The following VWF variants were observed in gnomAD, a reference collection of about 807,000 sequenced individuals.
VWF encodes the protein von Willebrand factor.
VWF carries 176 observed loss-of-function variants against 308.6 expected under a neutral mutation model. That is an observed-to-expected ratio of 0.57 (90% CI 0.50 to 0.65). The LOEUF (loss-of-function observed/expected upper bound fraction) is 0.65. Among genes scored for constraint, VWF ranks in the 30% least tolerant of loss-of-function variants. VWF has a pLI of 0.00. For synonymous variants in VWF, 1,385 were observed against 1,443.4 expected, an observed-to-expected ratio of 0.96 and a Z score of 0.92; for missense variants, 3,146 against 3,648.2, an observed-to-expected ratio of 0.86 and a Z score of 3.55.
At position 6,071,291 on chromosome 12, in the gene VWF, G is replaced by A. The variant is rs202185364; in HGVS notation, c.1156+6C>T. ...GGAGGAAGAGAATGAGCGGCAGGTC[G>A]CCTACCTGGACATTCTTCATTGCTG... On this transcript the variant is annotated splice_donor_region_variant and intron_variant, in intron 10 of 51. Transcript: ENST00000261405. 89 of 1,614,048 alleles carry A rather than the reference G, an allele frequency of 5.5e-5. No individual in the cohort carries two copies. The African/African-American group carries it at 6.8e-4, about 12-fold the overall frequency.
chr12:5,996,855 T>C (rs1404408154), intron 34 of VWF, among the ~76,000 whole-genome samples: 3 of 152,130 alleles, frequency 2.0e-5, no homozygotes, highest in African/African-American at 7.2e-5. Context: ...TAAAACATTA[T>C]TGGTGAATAC....
rs138574155 is a variant in VWF at position 6,092,157 on chromosome 12, C to T, written c.657+3303G>A. Among the ~76,000 whole-genome samples, 472 of 152,140 alleles carry T rather than the reference C, an allele frequency of 3.1e-3. 7 individuals are homozygous for T. Among genetic ancestry groups the T allele is most frequent in the African/African-American group, 0.011 (454 of 41,502 alleles). On this transcript the variant is annotated intron_variant, in intron 6 of 51. Transcript: ENST00000261405. ...AAAATAAAATCCTAAGCCCCCCTAC[C>T]GACTAAACGGACTCCCCCTTGGCCA...
chr12:6,057,480 TTTATTATTATTATTATTA>T (rs10667650), intron 14 of VWF, among the ~76,000 whole-genome samples: 16 of 129,562 alleles, frequency 1.2e-4, no homozygotes, highest in South Asian at 2.6e-4. Flanking sequence ...GCCCGGCAAA[TTTATTATTATTATTATTA>T]TTATTATTAT....
chr12:6,020,676 C>G lies in VWF; in HGVS notation c.3675-933G>C, dbSNP rs1169482202. Reference sequence around the variant, plus strand: ...CCAATATGGGCCAGGACCATCTCCTCTTTGGACTCTCAGCCTTGGAGGCAC... The same window carrying G: ...CCAATATGGGCCAGGACCATCTCCTGTTTGGACTCTCAGCCTTGGAGGCAC... On this transcript the variant is annotated intron_variant, in intron 27 of 51. Transcript: ENST00000261405. This position sits in a 1 kb window ranked among gnomAD's most constrained non-coding sequence, Gnocchi z 4.3. Among the ~76,000 whole-genome samples, 7 of 152,270 alleles carry G rather than the reference C, an allele frequency of 4.6e-5. No individual in the cohort carries two copies. The highest frequency in any genetic ancestry group is 1.7e-4 in the African/African-American group (7 of 41,478).
rs11064034 is a variant in VWF, at chr12:6,120,555, G to T, written c.220+619C>A. Reference sequence around the variant, plus strand: ...TGACCTCAGGTGATCCACCCACCTTGGCCTCCCAAAGTACTGGGATTACAG... The same window carrying T: ...TGACCTCAGGTGATCCACCCACCTTTGCCTCCCAAAGTACTGGGATTACAG... On this transcript the variant is annotated intron_variant, in intron 3 of 51. Transcript: ENST00000261405. Among the ~76,000 whole-genome samples the T allele has an allele frequency of 7.9e-5, 12 of 152,160 alleles. No individual in the cohort carries two copies. In the East Asian group the frequency reaches 2.3e-3, roughly 30 times the overall value.
intron 40 of VWF, among the ~76,000 whole-genome samples, chr12:5,983,760 T>C (rs1265207866): frequency 2.3e-5 from 3 of 130,680 alleles, no homozygotes; most frequent in East Asian, 2.8e-4. Flanking sequence ...GATAGATACA[T>C]ACATAGATAT....
At position 5,948,937 on chromosome 12, in the gene VWF, G is replaced by A. The variant is rs982643479; in HGVS notation, c.*78C>T. 261 of 1,488,880 alleles carry A rather than the reference G, an allele frequency of 1.8e-4. No individual in the cohort carries two copies. Among genetic ancestry groups the A allele is most frequent in the Non-Finnish European group, 2.3e-4 (246 of 1,087,594 alleles). The allele number at this position is 1,488,880 out of a possible 1,614,324, so 92.2% of individuals were successfully genotyped here. On this transcript the variant is annotated 3_prime_UTR_variant, in exon 52 of 52. Transcript: ENST00000261405. This position sits in a 1 kb window ranked among gnomAD's most constrained non-coding sequence, Gnocchi z 4.4. ...TCAGAAGGGCACAAGAGCAGAACAT[G>A]CAGAGGACTGGCAGCACTCTGGCCT... is the stretch of plus-strand genomic sequence containing the variant.
chr12:6,072,869 A>AC (rs1354987501), intron 8 of VWF, among the ~76,000 whole-genome samples: 1 of 58,142 alleles, frequency 1.7e-5, no homozygotes, highest in African/African-American at 6.7e-5. Context: ...ACTCTCAATA[A>AC]CTTTTTTTTT....
chr12:6,027,924 C>T (rs1005090579), intron 22 of VWF, among the ~76,000 whole-genome samples: 15 of 152,076 alleles, frequency 9.9e-5, no homozygotes, highest in African/African-American at 1.9e-4. Flanking sequence ...GTATCCACAG[C>T]GCCTAGGACC....
chr12:6,006,286 A>G (rs954156688), intron 34 of VWF, among the ~76,000 whole-genome samples: 1 of 152,120 alleles, frequency 6.6e-6, no homozygotes, highest in African/African-American at 2.4e-5. Context: ...GTCAAATCTC[A>G]TCATTACCCA....
chr12:6,047,182 G>C (rs894339394), intron 16 of VWF, among the ~76,000 whole-genome samples: 2 of 152,062 alleles, frequency 1.3e-5, no homozygotes, highest in African/African-American at 4.8e-5. Context: ...GCCTTCCCCA[G>C]GCTCTGTCCT....
At chr12:5,972,243 G>A (rs1023158009) in intron 43 of VWF, among the ~76,000 whole-genome samples, 1 of 152,170 alleles carries the variant, frequency 6.6e-6, no homozygotes, top group Non-Finnish European at 1.5e-5. Flanking sequence ...AAAGAAAAGT[G>A]AGATGAGAGA....
intron 6 of VWF, among the ~76,000 whole-genome samples, chr12:6,076,526 A>ATTC (rs1944847169): frequency 6.6e-6 from 1 of 151,712 alleles, no homozygotes; most frequent in Non-Finnish European, 1.5e-5. Context: ...GATCCCCATG[A>ATTC]TTTCTTTCTT....
intron 42 of VWF, among the ~76,000 whole-genome samples, chr12:5,979,138 C>G (rs1233248706): frequency 6.6e-6 from 1 of 152,208 alleles, no homozygotes; most frequent in Non-Finnish European, 1.5e-5. Flanking sequence ...TTGACAGTTG[C>G]TAGAGCATCA....
chr12:6,105,230 T>C (rs1359970010), intron 5 of VWF, among the ~76,000 whole-genome samples: 2 of 152,120 alleles, frequency 1.3e-5, no homozygotes, highest in African/African-American at 2.4e-5. Flanking sequence ...CCCATAAATT[T>C]ATACAATTTT....
chr12:5,950,940 C>T (rs141675092), intron 50 of VWF, among the ~76,000 whole-genome samples: 15 of 152,190 alleles, frequency 9.9e-5, no homozygotes, highest in African/African-American at 3.4e-4. Flanking sequence ...AGTGCTTCCT[C>T]GATCTGAGAT....
chr12:6,101,041 TAAG>T (rs143580153), intron 5 of VWF, among the ~76,000 whole-genome samples: 1 of 152,020 alleles, frequency 6.6e-6, no homozygotes, highest in East Asian at 1.9e-4. Context: ...AACAAGATAA[TAAG>T]AAAAATAATA....
chr12:5,980,050 AAAG>A (rs1463705843), intron 42 of VWF, among the ~76,000 whole-genome samples: 4 of 149,508 alleles, frequency 2.7e-5, no homozygotes, highest in South Asian at 2.1e-4. Context: ...CAAAAAAAAA[AAAG>A]AAGAACGAAT....
intron 6 of VWF, among the ~76,000 whole-genome samples, chr12:6,079,450 C>CAA (rs5796207): frequency 3.4e-5 from 5 of 149,220 alleles, no homozygotes; most frequent in African/African-American, 4.9e-5. Context: ...ACTAAAAATA[C>CAA]AAAAAAAAAA....
Sources: allele counts gnomAD v4.1 joint callset (sites outside exome capture counted in the v4.1 genomes callset), GRCh38; gene constraint gnomAD v4.1.1; non-coding constraint Gnocchi (gnomAD v3.1); transcripts MANE v1.5; gene names NCBI Gene and HGNC (gene_info 2026-07-23, HGNC 2026-07-21).